The following PRKN variants were observed in gnomAD, a reference collection of about 807,000 sequenced individuals.
The protein encoded by PRKN is E3 ubiquitin-protein ligase parkin.
Under a neutral mutation model 59.5 loss-of-function variants are expected in PRKN, and 56 were observed. The ratio of observed to expected loss-of-function variants is 0.94; its 90% CI spans 0.76 to 1.18. PRKN has a LOEUF of 1.18. Among genes scored for constraint, PRKN ranks in the 50% most tolerant of loss-of-function variants. The probability of loss-of-function intolerance (pLI) is 0.00; values close to 1 mark genes in which losing one functional copy is unlikely to be tolerated. For synonymous variants in PRKN, 250 were observed against 222.1 expected, an observed-to-expected ratio of 1.13 and a Z score of -1.12; for missense variants, 657 against 596.4, an observed-to-expected ratio of 1.10 and a Z score of -1.06.
At position 162,276,211 on chromosome 6, in the gene PRKN, C is replaced by T. The variant is rs559073771; in HGVS notation, c.172-13446G>A. On this transcript the variant is annotated intron_variant, in intron 2 of 11. Transcript: ENST00000366898. ...GTAGAGGGTTTTAAATAATCTCCTT[C>T]GTCTTCCATCTTAATCTTCTTTTCT... Among the ~76,000 whole-genome samples, 17 of 152,270 alleles carry T rather than the reference C, an allele frequency of 1.1e-4. No homozygotes were observed. In the East Asian group the frequency reaches 2.1e-3, roughly 19 times the overall value.
At chr6:161,841,441 C>A (rs1485249088) in intron 6 of PRKN, among the ~76,000 whole-genome samples, 2 of 151,996 alleles carry the variant, frequency 1.3e-5, no homozygotes, top group Non-Finnish European at 2.9e-5. Flanking sequence ...ACTCCACTAC[C>A]CAGGTTCAAG....
chr6:161,370,591 C>CAAAAAAAAAAAAAAAA lies in PRKN; in HGVS notation c.1168-10402_1168-10387dup, dbSNP rs560655971. 2.0e-3 allele frequency among the ~76,000 whole-genome samples: 118 copies of CAAAAAAAAAAAAAAAA among 57,810 alleles called. 8 individuals are homozygous for CAAAAAAAAAAAAAAAA. Among genetic ancestry groups the CAAAAAAAAAAAAAAAA allele is most frequent in the African/African-American group, 4.3e-3 (51 of 11,780 alleles). 37.9% of individuals were successfully genotyped at this position (57,810 alleles called of 152,430 possible). On this transcript the variant is annotated intron_variant, in intron 10 of 11. Coordinates refer to ENST00000366898, the MANE Select transcript of PRKN (RefSeq NM_004562.3). ...TGGGCGACAGAGCAAGACTCTGTGT[C>CAAAAAAAAAAAAAAAA]AAAAAAAAAAAAAAAAAAAAGCCGA...
intron 4 of PRKN, 61 bp from the exon 5 acceptor site, chr6:162,054,235 A>G: frequency 1.0e-6 from 1 of 957,976 alleles, no homozygotes. Flanking sequence ...ACTCCTTAAG[A>G]CATGTTTCCA....
chr6:161,961,071 A>G (rs1388481497), intron 6 of PRKN, among the ~76,000 whole-genome samples: 2 of 152,236 alleles, frequency 1.3e-5, no homozygotes, highest in East Asian at 3.8e-4. Context: ...ACAACTTGTT[A>G]GCAATAGTTG....
At chr6:162,105,386 T>A (rs748882779) in intron 4 of PRKN, among the ~76,000 whole-genome samples, 1 of 152,068 alleles carries the variant, frequency 6.6e-6, no homozygotes, top group Non-Finnish European at 1.5e-5. Context: ...TGACAACAAA[T>A]TCTACAAATA....
At chr6:162,451,941 A>C (rs572855265) in intron 1 of PRKN, among the ~76,000 whole-genome samples, 25 of 152,316 alleles carry the variant, frequency 1.6e-4, no homozygotes, top group African/African-American at 6.0e-4. Context: ...AAATCATAGC[A>C]TAGTCAAACT....
intron 7 of PRKN, among the ~76,000 whole-genome samples, chr6:161,599,795 CCTCAAACA>C (rs1395171767): frequency 1.3e-5 from 2 of 152,160 alleles, no homozygotes; most frequent in Non-Finnish European, 1.5e-5. Context: ...TTCTTAAAAG[CCTCAAACA>C]CTCCCAAAGT....
chr6:162,524,048 T>TA (rs1036717632), intron 1 of PRKN, among the ~76,000 whole-genome samples: 78 of 151,312 alleles, frequency 5.2e-4, no homozygotes, highest in South Asian at 2.9e-3. Flanking sequence ...CTCAGATGTT[T>TA]AAAAAAAAAG....
intron 6 of PRKN, among the ~76,000 whole-genome samples, chr6:161,946,845 T>G (rs1042676508): frequency 6.6e-6 from 1 of 152,238 alleles, no homozygotes; most frequent in Non-Finnish European, 1.5e-5. Context: ...GAATGTATAC[T>G]CTGCAGCCGT....
intron 9 of PRKN, among the ~76,000 whole-genome samples, chr6:161,434,015 TA>T (rs34213676): frequency 6.6e-6 from 1 of 150,908 alleles, no homozygotes; most frequent in Non-Finnish European, 1.5e-5. Context: ...GAAACTCCAT[TA>T]AAAAAAAATT....
At position 161,429,761 on chromosome 6, in the gene PRKN, CTAAG is replaced by C. The variant is rs769726981; in HGVS notation, c.1084-42888_1084-42885del. Reference sequence around the variant, plus strand: ...TTTTCTTCAGTAATTCAGAATACTCCTAAGTGAGTATGGCCACTTGGATACCTGG... The same window carrying C: ...TTTTCTTCAGTAATTCAGAATACTCCTGAGTATGGCCACTTGGATACCTGG... On this transcript the variant is annotated intron_variant, in intron 9 of 11. Coordinates refer to ENST00000366898, the MANE Select transcript of PRKN (RefSeq NM_004562.3). The surrounding 1 kb of genome is among the most constrained non-coding windows in gnomAD (Gnocchi z 4.2). 6.6e-6 allele frequency among the ~76,000 whole-genome samples: 1 copy of C among 152,100 alleles called. No homozygotes were observed. The highest frequency in any genetic ancestry group is 1.5e-5 in the Non-Finnish European group (1 of 68,026).
chr6:162,406,140 A>T (rs944428218), intron 2 of PRKN, among the ~76,000 whole-genome samples: 1 of 152,224 alleles, frequency 6.6e-6, no homozygotes, highest in African/African-American at 2.4e-5. Flanking sequence ...GCCAGGCACC[A>T]AACTCAACAC....
At chr6:162,634,099 G>A (rs2846511) in intron 1 of PRKN, among the ~76,000 whole-genome samples, 80,883 of 151,764 alleles carry the variant, frequency 0.53, 22,344 homozygotes, top group African/African-American at 0.64. Context: ...AAACAAAAAA[G>A]CCAAAGTTCC....
chr6:161,932,620 C>T (rs75155195), intron 6 of PRKN, among the ~76,000 whole-genome samples: 1,916 of 151,996 alleles, frequency 0.013, 45 homozygotes, highest in African/African-American at 0.042. Context: ...TGCCACTTTG[C>T]AAAGCGAAAA....
At chr6:162,199,861 C>T (rs1283741377) in intron 4 of PRKN, among the ~76,000 whole-genome samples, 1 of 152,104 alleles carries the variant, frequency 6.6e-6, no homozygotes, top group African/African-American at 2.4e-5. Flanking sequence ...AGTTCTTTCA[C>T]AGGCCCCGTA....
At chr6:161,494,349 G>A (rs1777664806) in intron 9 of PRKN, among the ~76,000 whole-genome samples, 1 of 152,150 alleles carries the variant, frequency 6.6e-6, no homozygotes, top group Non-Finnish European at 1.5e-5. Flanking sequence ...CAACAAAAAT[G>A]TTCTCCATCA....
At chr6:162,409,482 C>G (rs551917846) in intron 2 of PRKN, among the ~76,000 whole-genome samples, 35 of 152,134 alleles carry the variant, frequency 2.3e-4, no homozygotes, top group African/African-American at 8.4e-4. Flanking sequence ...GTAGCACACC[C>G]CACCCTCACC....
At chr6:162,647,536 G>C (rs1328199828) in intron 1 of PRKN, among the ~76,000 whole-genome samples, 2 of 152,148 alleles carry the variant, frequency 1.3e-5, no homozygotes, top group African/African-American at 2.4e-5. Flanking sequence ...ATCTAAGTGA[G>C]AGGTAGTTAA....
intron 9 of PRKN, among the ~76,000 whole-genome samples, chr6:161,537,811 G>A (rs1421385320): frequency 1.3e-5 from 2 of 152,146 alleles, no homozygotes; most frequent in Admixed American, 1.3e-4. Context: ...AATTCTTTAG[G>A]CATATGTCAC....
Sources: gnomAD v4.1 joint callset for allele counts (sites outside exome capture counted in the v4.1 genomes callset) on GRCh38, gnomAD v4.1.1 for gene constraint, Gnocchi (gnomAD v3.1) non-coding constraint, MANE v1.5 for transcripts, NCBI Gene and HGNC (gene_info 2026-07-23, HGNC 2026-07-21) for gene names.